Variants in INTS6 observed in about 807,000 individuals in gnomAD.
INTS6 encodes DEAD box protein.
A neutral mutation model predicts 104.9 loss-of-function variants in INTS6; 16 were observed. The observed-to-expected ratio is 0.15, with a 90% CI of 0.10 to 0.23. The LOEUF is 0.23. Ranked by LOEUF, INTS6 falls within the 10% of genes least tolerant of loss-of-function variation. The probability of loss-of-function intolerance (pLI) is 1.00; values close to 1 mark genes in which losing one functional copy is unlikely to be tolerated. For missense variants in INTS6, 584 were observed against 1,062.8 expected (o/e 0.55, Z 6.26); for synonymous variants, 324 against 358.7 (o/e 0.90, Z 1.09).
intron 13 of INTS6, among the ~76,000 whole-genome samples, chr13:51,375,554 G>A (rs577773002): frequency 9.2e-5 from 14 of 151,764 alleles, no homozygotes; most frequent in South Asian, 8.3e-4. Context: ...GGTGGCAAAC[G>A]TTTAAAGTCT....
chr13:51,340,828 T>A, the INTS6 span: 1 of 549,602 alleles, frequency 1.8e-6, no homozygotes, highest in East Asian at 3.1e-5. Flanking sequence ...GAAGCAGATC[T>A]TCAGACCCAC....
chr13:51,439,441 TTCTC>T (rs1479013777), intron 3 of INTS6: 1 of 152,324 alleles, frequency 6.6e-6, no homozygotes, highest in African/African-American at 2.4e-5. Flanking sequence ...TCATGTACAA[TTCTC>T]TCTCTCCATA....
chr13:51,355,006 G>C (rs1955457992), intron 3 of INTS6: 1 of 1,076,682 alleles, frequency 9.3e-7, no homozygotes, highest in Non-Finnish European at 1.4e-6. Flanking sequence ...TATTGAGTGA[G>C]AATTTTGAAA....
intron 5 of INTS6, among the ~76,000 whole-genome samples, chr13:51,393,507 A>G (rs774768253): frequency 1.3e-5 from 2 of 152,206 alleles, no homozygotes; most frequent in Non-Finnish European, 2.9e-5. Context: ...TGTTTAGTGA[A>G]CATCCTTTAA....
At chr13:51,397,815 CCACACACACA>C (rs138888033) in intron 4 of INTS6, among the ~76,000 whole-genome samples, 4 of 149,984 alleles carry the variant, frequency 2.7e-5, no homozygotes, top group Non-Finnish European at 5.9e-5. Flanking sequence ...ACTGCGCGGA[CCACACACACA>C]CACACACATG....
chr13:51,375,795 G>A, intron 13 of INTS6, among the ~76,000 whole-genome samples: 1 of 152,126 alleles, frequency 6.6e-6, no homozygotes, highest in East Asian at 1.9e-4. Context: ...GAATGCATGA[G>A]AAAAGCTATA....
At chr13:51,403,098 T>A (rs1247830320) in intron 4 of INTS6, among the ~76,000 whole-genome samples, 1 of 152,190 alleles carries the variant, frequency 6.6e-6, no homozygotes, top group Non-Finnish European at 1.5e-5. Flanking sequence ...TCATACATTA[T>A]TACTTATTTT....
intron 6 of INTS6, among the ~76,000 whole-genome samples, chr13:51,388,047 AC>A (rs1956171421): frequency 6.6e-6 from 1 of 152,218 alleles, no homozygotes; most frequent in Non-Finnish European, 1.5e-5. Flanking sequence ...CAAAGCACCT[AC>A]CTTTAATCTA....
chr13:51,389,795 T>C (rs1956212000), intron 5 of INTS6, among the ~76,000 whole-genome samples: 1 of 152,122 alleles, frequency 6.6e-6, no homozygotes, highest in South Asian at 2.1e-4. Context: ...CCAACTGTTA[T>C]GCAATACAAT....
At chr13:51,408,060 A>G (rs9535657) in intron 4 of INTS6, among the ~76,000 whole-genome samples, 64,302 of 150,928 alleles carry the variant, frequency 0.43, 14,354 homozygotes, top group African/African-American at 0.56. Context: ...ATGCTAAAGT[A>G]TAACTATAGA....
intron 3 of INTS6, chr13:51,440,990 G>A (rs778282390): frequency 1.4e-4 from 22 of 152,168 alleles, no homozygotes; most frequent in South Asian, 6.2e-4. Flanking sequence ...TGGAGATGAT[G>A]ATCATCATCA....
chr13:51,433,851 C>T (rs866436599), intron 3 of INTS6, among the ~76,000 whole-genome samples: 1 of 152,186 alleles, frequency 6.6e-6, no homozygotes, highest in African/African-American at 2.4e-5. Flanking sequence ...ATAACAATAA[C>T]ATTACTGCTA....
intron 4 of INTS6, among the ~76,000 whole-genome samples, chr13:51,420,314 T>A (rs1405389175): frequency 7.3e-5 from 11 of 151,412 alleles, no homozygotes; most frequent in South Asian, 4.2e-4. Flanking sequence ...TTTTTTTTTT[T>A]ACTAATATAG....
At chr13:51,450,900 T>G (rs1378710749) in intron 3 of INTS6, 125 bp downstream of exon 3, 7 of 1,336,284 alleles carry the variant, frequency 5.2e-6, no homozygotes, top group Non-Finnish European at 6.7e-6. Flanking sequence ...TTGAACAATG[T>G]GCATATTCTA....
chr13:51,355,005 A>G, intron 3 of INTS6: 1 of 1,046,804 alleles, frequency 9.6e-7, no homozygotes, highest in Admixed American at 2.0e-5. Context: ...ATATTGAGTG[A>G]GAATTTTGAA....
intron 3 of INTS6, chr13:51,450,445 C>G: frequency 4.1e-6 from 4 of 985,296 alleles, no homozygotes; most frequent in Non-Finnish European, 4.8e-6. Context: ...GAGTTTAAAT[C>G]AAAACTCTGG....
the INTS6 span, among the ~76,000 whole-genome samples, chr13:51,339,097 G>A: frequency 1.3e-5 from 2 of 152,122 alleles, no homozygotes; most frequent in East Asian, 3.8e-4. Flanking sequence ...TTGGACTTAC[G>A]AACTGTTGTA....
chr13:51,441,611 T>C (rs1440572973), intron 3 of INTS6: 1 of 152,190 alleles, frequency 6.6e-6, no homozygotes, highest in Non-Finnish European at 1.5e-5. Flanking sequence ...ACCCTAATAC[T>C]GGTTGGCATA....
At chr13:51,442,984 G>C (rs1952825969) in intron 3 of INTS6, 2 of 152,298 alleles carry the variant, frequency 1.3e-5, no homozygotes, top group South Asian at 4.1e-4. Flanking sequence ...AAATGTAACA[G>C]AGACAAAATG....
Sources: gnomAD v4.1 joint callset for allele counts (sites outside exome capture counted in the v4.1 genomes callset) on GRCh38, gnomAD v4.1.1 for gene constraint, MANE v1.5 for transcripts, NCBI Gene and HGNC (gene_info 2026-07-23, HGNC 2026-07-21) for gene names.